The following SUPT7L variants were observed in gnomAD, a reference collection of about 807,000 sequenced individuals.
The protein encoded by SUPT7L is STAGA complex 65 subunit gamma.
In SUPT7L, 15 loss-of-function variants were observed where a neutral mutation model predicts 35.7. The observed-to-expected ratio is 0.42, with a 90% CI of 0.28 to 0.65. The LOEUF is 0.65. Among genes scored for constraint, SUPT7L ranks in the 30% least tolerant of loss-of-function variants. The pLI is 0.23. For synonymous variants in SUPT7L, 168 were observed against 186.2 expected, an observed-to-expected ratio of 0.90 and a Z score of 0.79; for missense variants, 434 against 522.2, an observed-to-expected ratio of 0.83 and a Z score of 1.65.
chr2:27,653,719 C>G lies in SUPT7L; in HGVS notation c.1011G>C (p.Trp337Cys). The G allele has an allele frequency of 1.2e-6, 2 of 1,614,126 alleles. No homozygotes were observed. The highest frequency in any genetic ancestry group is 1.7e-6 in the Non-Finnish European group (2 of 1,180,034). The change falls in exon 6 of 6, where the codon TGG becomes TGC. Residue 337 changes from tryptophan (W) to cysteine (C), a missense_variant. By Grantham distance (215) the Trp-to-Cys change is radical. Transcript: ENST00000337768. Reference sequence around the variant, plus strand: ...GCTCCATTTTCACATGGGCCAGATTCCAAAGAGGAGAAGCATTTACCTCTG... The same window carrying G: ...GCTCCATTTTCACATGGGCCAGATTGCAAAGAGGAGAAGCATTTACCTCTG... ...SSAEVNASPL[W>C]NLAHVKMEPQ...
At chr2:27,661,567 G>A in intron 2 of SUPT7L, 179 bp from the exon 3 acceptor site, 2 of 1,428,774 alleles carry the variant, frequency 1.4e-6, no homozygotes, top group Non-Finnish European at 1.8e-6. Flanking sequence ...AAAAATGTCA[G>A]TGTCAGCAAA....
chr2:27,658,127 G>A (rs1674889275), intron 3 of SUPT7L, among the ~76,000 whole-genome samples: 1 of 152,122 alleles, frequency 6.6e-6, no homozygotes, highest in African/African-American at 2.4e-5. Flanking sequence ...ACAGTTCCCA[G>A]GAGTTTAAGA....
chr2:27,656,603 T>C lies in SUPT7L; in HGVS notation c.744+742A>G, dbSNP rs546365681. On this transcript the variant is annotated intron_variant, in intron 4 of 5. Transcript: ENST00000337768. ...CCATTATATTAGCTGCTTGAGAGGC[T>C]GAGGCAGGAGGATTGTCAGTAGGTC... Among the ~76,000 whole-genome samples the C allele has an allele frequency of 1.8e-3, 271 of 151,488 alleles. 2 individuals carry two copies. Among genetic ancestry groups the C allele is most frequent in the Non-Finnish European group, 1.7e-3 (115 of 67,894 alleles).
At chr2:27,644,015 C>T in the SUPT7L span, among the ~76,000 whole-genome samples, 2 of 152,126 alleles carry the variant, frequency 1.3e-5, no homozygotes, top group African/African-American at 4.8e-5. Context: ...CCCATCTCTC[C>T]TAAAAATACA....
intron 1 of SUPT7L, 114 bp from the exon 2 acceptor site, chr2:27,662,395 G>A: frequency 1.8e-6 from 1 of 551,542 alleles, no homozygotes; most frequent in Non-Finnish European, 3.3e-6. Flanking sequence ...AGCTTCCTGG[G>A]TGAAATGACT....
At chr2:27,643,973 A>AT in the SUPT7L span, among the ~76,000 whole-genome samples, 1 of 152,104 alleles carries the variant, frequency 6.6e-6, no homozygotes, top group African/African-American at 2.4e-5. The surrounding 1 kb of genome is among the most constrained non-coding windows in gnomAD (Gnocchi z 4.0). Flanking sequence ...GAGGTCAGGA[A>AT]TTCGAGACCA....
Position 27,661,025 on chromosome 2 carries a change from T to A in SUPT7L, c.378A>T (p.Pro126=), listed in dbSNP as rs1161327000. The A allele has an allele frequency of 1.9e-6, 3 of 1,614,048 alleles. No individual in the cohort carries two copies. Among genetic ancestry groups the A allele is most frequent in the Admixed American group, 3.3e-5 (2 of 60,004 alleles). Residue 126 remains proline, a synonymous_variant, in exon 3 of 6, where the codon CCA becomes CCT. Transcript: ENST00000337768. ...LPLDCKNPNA[P]FQIRHSDPES... is the part of the protein sequence containing the mutation. ...CTGGGTCACTGTGCCGGATCTGGAA[T>A]GGTGCATTGGGATTCTTACAATCTA...
Position 27,657,571 on chromosome 2 carries a change from C to G in SUPT7L, c.518G>C (p.Cys173Ser), listed in dbSNP as rs756296292. The change falls in exon 4 of 6, where the codon TGT (cysteine) becomes TCT (serine). Residue 173 changes from cysteine to serine, a missense_variant. Physicochemically the swap from Cys to Ser is moderately radical, Grantham distance 112. Coordinates refer to ENST00000337768, the MANE Select transcript of SUPT7L (RefSeq NM_014860.3). The surrounding 1 kb of genome is among the most constrained non-coding windows in gnomAD (Gnocchi z 5.2). ...ATILAHAGFD[C>S]ANESVLETLT... ...GGTCTCCAGGACACTCTCATTAGCACAGTCAAAGCCCGCGTGGGCCAGGAT... is the reference window on the plus strand; with the variant it reads ...GGTCTCCAGGACACTCTCATTAGCAGAGTCAAAGCCCGCGTGGGCCAGGAT... The G allele has an allele frequency of 1.2e-5, 19 of 1,614,274 alleles. No homozygotes were observed. Among genetic ancestry groups the G allele is most frequent in the Non-Finnish European group, 1.4e-5 (17 of 1,180,052 alleles).
intron 5 of SUPT7L, among the ~76,000 whole-genome samples, chr2:27,654,708 G>A (rs1488274684): frequency 9.2e-5 from 14 of 152,068 alleles, no homozygotes; most frequent in African/African-American, 2.7e-4. Context: ...CTGGGACTAC[G>A]GGTGCCCACC....
chr2:27,642,994 C>CACACACACACAT, the SUPT7L span, among the ~76,000 whole-genome samples: 15 of 149,658 alleles, frequency 1.0e-4, no homozygotes, highest in Non-Finnish European at 2.2e-4. Context: ...CACACACACA[C>CACACACACACAT]ATACATATGC....
intron 5 of SUPT7L, among the ~76,000 whole-genome samples, chr2:27,654,773 A>G (rs1420611493): frequency 6.6e-6 from 1 of 152,120 alleles, no homozygotes; most frequent in South Asian, 2.1e-4. Context: ...TCACTGTGTT[A>G]GCCAGGATGT....
chr2:27,646,960 T>C (rs1408764271), downstream of SUPT7L, among the ~76,000 whole-genome samples: 2 of 152,236 alleles, frequency 1.3e-5, no homozygotes, highest in African/African-American at 4.8e-5. Context: ...ATGTTAAAAC[T>C]ACTGCTGCAA....
rs1335651827 is a variant in SUPT7L at position 27,662,662 on chromosome 2, A to G, written c.-89-381T>C. Among the ~76,000 whole-genome samples the G allele has an allele frequency of 2.6e-5, 4 of 152,218 alleles. No individual in the cohort carries two copies. In the East Asian group the frequency reaches 7.7e-4, roughly 29 times the overall value. On this transcript the variant is annotated intron_variant, in intron 1 of 5. Coordinates refer to ENST00000337768, the MANE Select transcript of SUPT7L (RefSeq NM_014860.3). ...TATCCTTGGATTTTAATTAGTACTT[A>G]TCGCAATAGATTTTTTCTGCCCGTC...
At chr2:27,643,891 T>A in the SUPT7L span, among the ~76,000 whole-genome samples, 2 of 152,132 alleles carry the variant, frequency 1.3e-5, no homozygotes, top group African/African-American at 4.8e-5. This position sits in a 1 kb window ranked among gnomAD's most constrained non-coding sequence, Gnocchi z 4.0. Context: ...AGAATTACTA[T>A]TTTTAGGCCG....
chr2:27,660,392 T>G (rs1675041974), intron 3 of SUPT7L, among the ~76,000 whole-genome samples: 1 of 152,028 alleles, frequency 6.6e-6, no homozygotes, highest in Non-Finnish European at 1.5e-5. Flanking sequence ...CCTGACTAAT[T>G]TTTGTATTTT....
In SUPT7L at chr2:27,652,905, T is replaced by C. The variant is rs1674623304; in HGVS notation, c.*580A>G. 6.5e-6 allele frequency: 1 copy of C among 154,074 alleles called. No homozygotes were observed. Among genetic ancestry groups the C allele is most frequent in the African/African-American group, 2.4e-5 (1 of 41,448 alleles). 9.5% of individuals were successfully genotyped at this position (154,074 alleles called of 1,614,324 possible). On this transcript the variant is annotated 3_prime_UTR_variant, in exon 6 of 6. Coordinates refer to ENST00000337768, the MANE Select transcript of SUPT7L (RefSeq NM_014860.3). ...CTAAGCAAAAAAGGTGTCAGACCTC[T>C]GATCTTATAAATAAGACACTTCAAA... is the stretch of plus-strand genomic sequence containing the variant.
At chr2:27,647,161 T>C (rs563977630), downstream of SUPT7L, among the ~76,000 whole-genome samples, 1 of 152,332 alleles carries the variant, frequency 6.6e-6, no homozygotes, top group East Asian at 1.9e-4. Flanking sequence ...TTGCTGTCTC[T>C]GGCCACCCTT....
chr2:27,654,866 G>A (rs1026842162), intron 5 of SUPT7L, among the ~76,000 whole-genome samples: 2 of 152,004 alleles, frequency 1.3e-5, no homozygotes, highest in Non-Finnish European at 2.9e-5. Context: ...GCGCCCAGCC[G>A]GAAGCCCTAT....
At chr2:27,646,317 C>T (rs1674228071), downstream of SUPT7L, among the ~76,000 whole-genome samples, 2 of 152,166 alleles carry the variant, frequency 1.3e-5, no homozygotes, top group Admixed American at 6.5e-5. Context: ...GCTGGGATTA[C>T]AGGCATGAGC....
Sources: gnomAD v4.1 joint callset for allele counts (sites outside exome capture counted in the v4.1 genomes callset) on GRCh38, gnomAD v4.1.1 for gene constraint, Gnocchi (gnomAD v3.1) non-coding constraint, MANE v1.5 for transcripts, NCBI Gene and HGNC (gene_info 2026-07-23, HGNC 2026-07-21) for gene names.